The following MYO5B variants were observed in gnomAD, a reference collection of about 807,000 sequenced individuals.
MYO5B encodes unconventional myosin-Vb.
In MYO5B, 143 loss-of-function variants were observed where a neutral mutation model predicts 229.3. The ratio of observed to expected loss-of-function variants is 0.62; its 90% CI spans 0.54 to 0.72. The LOEUF is 0.72. Among genes scored for constraint, MYO5B ranks in the 30% least tolerant of loss-of-function variants. The pLI, the probability that MYO5B is intolerant of heterozygous loss-of-function variation, is 0.00. For missense variants in MYO5B, 2,321 were observed against 2,331.0 expected, an observed-to-expected ratio of 1.00 and a Z score of 0.09; for synonymous variants, 918 against 885.2, an observed-to-expected ratio of 1.04 and a Z score of -0.66.
intron 1 of MYO5B, among the ~76,000 whole-genome samples, chr18:50,183,686 A>G (rs1317238566): frequency 6.6e-6 from 1 of 150,400 alleles, no homozygotes; most frequent in East Asian, 2.0e-4. Flanking sequence ...TGTGGTTTAG[A>G]TATGAATCAT....
At chr18:49,956,423 TA>T (rs2025493267) in intron 12 of MYO5B, among the ~76,000 whole-genome samples, 1 of 152,214 alleles carries the variant, frequency 6.6e-6, no homozygotes, top group Admixed American at 6.5e-5. Flanking sequence ...CTTTTGCCAT[TA>T]AATAGCAGAG....
chr18:50,094,123 G>A (rs1191957194), intron 1 of MYO5B, among the ~76,000 whole-genome samples: 2 of 152,140 alleles, frequency 1.3e-5, no homozygotes, highest in Admixed American at 1.3e-4. Flanking sequence ...TCTGTATCAG[G>A]ACCCCTTTCC....
At chr18:49,935,925 C>G (rs1185187917) in intron 16 of MYO5B, among the ~76,000 whole-genome samples, 1 of 152,250 alleles carries the variant, frequency 6.6e-6, no homozygotes, top group Non-Finnish European at 1.5e-5. Context: ...ACCACTCCAG[C>G]AACCTTTCCA....
intron 20 of MYO5B, 147 bp from the exon 21 acceptor site, chr18:49,902,980 G>T: frequency 1.9e-6 from 2 of 1,029,440 alleles, no homozygotes; most frequent in Non-Finnish European, 2.8e-6. Flanking sequence ...AAGATCTAAG[G>T]CTTTGGTGGT....
At chr18:50,044,403 T>A (rs1383143274) in intron 2 of MYO5B, among the ~76,000 whole-genome samples, 1 of 152,170 alleles carries the variant, frequency 6.6e-6, no homozygotes, top group Non-Finnish European at 1.5e-5. Flanking sequence ...AAAGATTCCA[T>A]CCACTCCATA....
chr18:50,058,550 C>T (rs1431666430), intron 1 of MYO5B, among the ~76,000 whole-genome samples: 3 of 152,170 alleles, frequency 2.0e-5, no homozygotes, highest in Non-Finnish European at 4.4e-5. Flanking sequence ...GTGGCTCACA[C>T]CTGTAATCCC....
At chr18:50,023,323 T>G (rs542491137) in intron 4 of MYO5B, among the ~76,000 whole-genome samples, 1 of 152,282 alleles carries the variant, frequency 6.6e-6, no homozygotes, top group South Asian at 2.1e-4. Context: ...GTTTTTGAAC[T>G]GCAGTGGGCC....
chr18:49,902,826 A>T lies in MYO5B; in HGVS notation c.2579T>A (p.Met860Lys), dbSNP rs539079604. The change falls in exon 21 of 40, where the codon ATG (methionine) becomes AAG (lysine). Residue 860 changes from methionine (M) to lysine (K), a missense_variant. By Grantham distance (95) the Met-to-Lys change is moderately conservative. Transcript: ENST00000285039. Reference protein sequence around the residue: ...FVRRTYRQVLMEHKATTIQKH... With the variant: ...FVRRTYRQVLKEHKATTIQKH... Reference sequence around the variant, plus strand: ...CTGGATGGTGGTGGCCTTGTGCTCCATGAGGACCTGGCGGGAAACAAGGAT... The same window carrying T: ...CTGGATGGTGGTGGCCTTGTGCTCCTTGAGGACCTGGCGGGAAACAAGGAT... 36 of 1,600,138 alleles carry T rather than the reference A, an allele frequency of 2.2e-5. No individual in the cohort carries two copies. Among genetic ancestry groups the T allele is most frequent in the Non-Finnish European group, 3.0e-5 (35 of 1,179,876 alleles).
intron 34 of MYO5B, 121 bp from the exon 35 acceptor site, chr18:49,841,575 G>C: frequency 5.5e-6 from 5 of 903,158 alleles, no homozygotes; most frequent in Non-Finnish European, 9.0e-6. Flanking sequence ...CCCTGAGGCT[G>C]GGCAGGGCAC....
chr18:49,943,011 T>C (rs1422188388), intron 14 of MYO5B, among the ~76,000 whole-genome samples: 1 of 152,080 alleles, frequency 6.6e-6, no homozygotes, highest in Non-Finnish European at 1.5e-5. Flanking sequence ...GTGGCACATA[T>C]ACACCATGGA....
intron 27 of MYO5B, among the ~76,000 whole-genome samples, chr18:49,867,182 T>C (rs1437815536): frequency 1.3e-5 from 2 of 152,134 alleles, no homozygotes; most frequent in Non-Finnish European, 2.9e-5. Context: ...TAACGTGGCA[T>C]GGCCCATGGC....
chr18:49,837,418 G>A (rs2024000778), intron 37 of MYO5B, 99 bp downstream of exon 37: 1 of 1,423,572 alleles, frequency 7.0e-7, no homozygotes, highest in African/African-American at 1.4e-5. Flanking sequence ...AATTAGATTT[G>A]GATTTCATTT....
chr18:50,033,337 GC>G (rs1480447424), intron 4 of MYO5B, among the ~76,000 whole-genome samples: 5 of 152,068 alleles, frequency 3.3e-5, no homozygotes, highest in African/African-American at 1.2e-4. Context: ...TCAAGACCCA[GC>G]TAAAATCCTA....
intron 17 of MYO5B, among the ~76,000 whole-genome samples, chr18:49,929,057 A>C (rs1031156275): frequency 1.3e-5 from 2 of 152,186 alleles, no homozygotes; most frequent in Non-Finnish European, 2.9e-5. Flanking sequence ...CTCAGAAATC[A>C]CCACTGAAGA....
intron 16 of MYO5B, among the ~76,000 whole-genome samples, chr18:49,935,461 C>A (rs928370675): frequency 6.6e-6 from 1 of 152,248 alleles, no homozygotes; most frequent in African/African-American, 2.4e-5. Context: ...GAGATCAGGT[C>A]TCATGGGTGG....
At chr18:49,979,480 C>A (rs1474008219) in intron 9 of MYO5B, among the ~76,000 whole-genome samples, 1 of 152,206 alleles carries the variant, frequency 6.6e-6, no homozygotes, top group Non-Finnish European at 1.5e-5. Flanking sequence ...CAGTTCAGGT[C>A]TTCCTCTCCC....
chr18:49,834,924 C>G (rs911577296), intron 39 of MYO5B, among the ~76,000 whole-genome samples: 2 of 152,172 alleles, frequency 1.3e-5, no homozygotes, highest in Non-Finnish European at 2.9e-5. Flanking sequence ...AGGAGTGAGC[C>G]ACCGCACCTG....
rs202201947 is a variant in MYO5B, at chr18:49,954,377, C to T, written c.1604G>A (p.Ser535Asn). 63 of 1,614,030 alleles carry T rather than the reference C, an allele frequency of 3.9e-5. No homozygotes were observed. In the East Asian group the frequency reaches 1.3e-3, roughly 34 times the overall value. ...CATGCGGGGCTTCTGGAAGTGCTGGCTGCTGGAGTGCCGGTCATAGAGCTT... is the reference window on the plus strand; with the variant it reads ...CATGCGGGGCTTCTGGAAGTGCTGGTTGCTGGAGTGCCGGTCATAGAGCTT... Reference protein sequence around the residue: ...AQKLYDRHSSSQHFQKPRMSN... With the variant: ...AQKLYDRHSSNQHFQKPRMSN... The change falls in exon 13 of 40, where the codon AGC becomes AAC. Residue 535 changes from serine (S) to asparagine (N), a missense_variant. Coordinates refer to ENST00000285039, the MANE Select transcript of MYO5B (RefSeq NM_001080467.3).
intron 1 of MYO5B, among the ~76,000 whole-genome samples, chr18:50,092,962 A>G (rs2031478257): frequency 6.6e-6 from 1 of 152,230 alleles, no homozygotes; most frequent in South Asian, 2.1e-4. Context: ...GACTCCGCAA[A>G]CAAAAGCAAA....
Sources: gnomAD v4.1 joint callset for allele counts (sites outside exome capture counted in the v4.1 genomes callset) on GRCh38, gnomAD v4.1.1 for gene constraint, MANE v1.5 for transcripts, NCBI Gene and HGNC (gene_info 2026-07-23, HGNC 2026-07-21) for gene names.